GALNT17: variants seen among roughly 807,000 people sequenced by gnomAD.
GALNT17 encodes UDP-GalNAc:polypeptide N-acetylgalactosaminyltransferase-like 3.
A neutral mutation model predicts 63.7 loss-of-function variants in GALNT17; 29 were observed. The ratio of observed to expected loss-of-function variants is 0.46; its 90% CI spans 0.34 to 0.62. The LOEUF is 0.62. Ranked by LOEUF, GALNT17 falls within the 20% of genes least tolerant of loss-of-function variation. The probability of loss-of-function intolerance (pLI) is 0.01; values close to 1 mark genes in which losing one functional copy is unlikely to be tolerated. For missense variants in GALNT17, 603 were observed against 799.6 expected (o/e 0.75, Z 2.97); for synonymous variants, 305 against 318.3 (o/e 0.96, Z 0.45).
intron 3 of GALNT17, 42 bp from the exon 4 acceptor site, chr7:71,415,847 A>T (rs1583932701): frequency 2.0e-6 from 3 of 1,511,474 alleles, no homozygotes; most frequent in Middle Eastern, 1.8e-4. Flanking sequence ...CAAATTTGAA[A>T]TGACATGTTT....
At chr7:71,564,234 T>G (rs1273188517) in intron 5 of GALNT17, among the ~76,000 whole-genome samples, 1 of 151,772 alleles carries the variant, frequency 6.6e-6, no homozygotes, top group Non-Finnish European at 1.5e-5. Flanking sequence ...AAGCAGATTT[T>G]GATCGTGACG....
chr7:71,711,717 CCCTCTTT>C (rs1791795699), intron 10 of GALNT17, among the ~76,000 whole-genome samples: 1 of 148,350 alleles, frequency 6.7e-6, no homozygotes, highest in Non-Finnish European at 1.5e-5. Context: ...TCTCTCTCTT[CCCTCTTT>C]TTCTACCCCT....
At chr7:71,425,102 A>T (rs916081158) in intron 5 of GALNT17, among the ~76,000 whole-genome samples, 1 of 152,154 alleles carries the variant, frequency 6.6e-6, no homozygotes, top group Non-Finnish European at 1.5e-5. Context: ...GGCAAGTGCC[A>T]TTAAAGAGGG....
chr7:71,175,426 T>C (rs1287985814), intron 1 of GALNT17, among the ~76,000 whole-genome samples: 1 of 152,246 alleles, frequency 6.6e-6, no homozygotes, highest in Non-Finnish European at 1.5e-5. Context: ...ATCATCTATC[T>C]ATCTTATCTA....
intron 1 of GALNT17, among the ~76,000 whole-genome samples, chr7:71,333,638 C>G (rs1160244031): frequency 1.3e-5 from 2 of 152,072 alleles, no homozygotes; most frequent in African/African-American, 4.8e-5. Context: ...GTAGCTGGGA[C>G]TACAGGTGCA....
chr7:71,347,802 T>C (rs1386823844), intron 2 of GALNT17, among the ~76,000 whole-genome samples: 1 of 152,058 alleles, frequency 6.6e-6, no homozygotes, highest in Non-Finnish European at 1.5e-5. Flanking sequence ...ACTAGGGATG[T>C]TCTGAGGTCA....
intron 1 of GALNT17, among the ~76,000 whole-genome samples, chr7:71,154,840 T>A (rs894032602): frequency 2.0e-5 from 3 of 151,828 alleles, no homozygotes; most frequent in Non-Finnish European, 4.4e-5. Flanking sequence ...CCTCCCAAAG[T>A]GCTGGGATTA....
chr7:71,683,513 A>C (rs1436426284), intron 9 of GALNT17, among the ~76,000 whole-genome samples: 1 of 152,226 alleles, frequency 6.6e-6, no homozygotes, highest in Non-Finnish European at 1.5e-5. Context: ...ATTTATTATC[A>C]AACAGCAATT....
chr7:71,377,114 A>AATATATATATATAT (rs1554362119), intron 2 of GALNT17, among the ~76,000 whole-genome samples: 17 of 57,456 alleles, frequency 3.0e-4, no homozygotes, highest in African/African-American at 8.4e-4. Context: ...AAATAAAAAA[A>AATATATATATATAT]ATATATATAT....
intron 5 of GALNT17, among the ~76,000 whole-genome samples, chr7:71,519,573 T>A (rs1788496399): frequency 6.6e-6 from 1 of 152,104 alleles, no homozygotes; most frequent in Non-Finnish European, 1.5e-5. Context: ...AAGTGATTCT[T>A]GTGCCTCACC....
At chr7:71,147,491 G>C (rs887333562) in intron 1 of GALNT17, among the ~76,000 whole-genome samples, 2 of 152,108 alleles carry the variant, frequency 1.3e-5, no homozygotes, top group Non-Finnish European at 2.9e-5. Flanking sequence ...CCACTGACTC[G>C]AATGTTAATC....
At chr7:71,666,373 T>C (rs2117048173) in intron 7 of GALNT17, among the ~76,000 whole-genome samples, 1 of 149,136 alleles carries the variant, frequency 6.7e-6, no homozygotes, top group East Asian at 1.9e-4. Flanking sequence ...TAAAGATTTA[T>C]ATAAATTTTT....
chr7:71,611,510 C>T (rs1790125251), intron 6 of GALNT17, among the ~76,000 whole-genome samples: 1 of 152,152 alleles, frequency 6.6e-6, no homozygotes, highest in Non-Finnish European at 1.5e-5. Context: ...TGTGCCCTGA[C>T]CCACTTCCTT....
At chr7:71,266,568 G>A (rs558432917) in intron 1 of GALNT17, among the ~76,000 whole-genome samples, 55 of 152,090 alleles carry the variant, frequency 3.6e-4, no homozygotes, top group Admixed American at 1.4e-3. Context: ...CTTTTTCTTC[G>A]TAAATTACCC....
At chr7:71,227,416 A>G (rs1488528351) in intron 1 of GALNT17, among the ~76,000 whole-genome samples, 1 of 151,800 alleles carries the variant, frequency 6.6e-6, no homozygotes, top group African/African-American at 2.4e-5. Flanking sequence ...AGAGGTTGAG[A>G]TGTGCTGGTC....
At chr7:71,549,823 A>C (rs1789046914) in intron 5 of GALNT17, among the ~76,000 whole-genome samples, 1 of 151,960 alleles carries the variant, frequency 6.6e-6, no homozygotes, top group Non-Finnish European at 1.5e-5. Flanking sequence ...AATGCAGAAG[A>C]GGAGGATCCG....
chr7:71,539,957 ATT>A (rs1250440207), intron 5 of GALNT17, among the ~76,000 whole-genome samples: 1 of 150,440 alleles, frequency 6.6e-6, no homozygotes. Context: ...CTCCTGGCTA[ATT>A]TTTAAGTTTT....
intron 1 of GALNT17, among the ~76,000 whole-genome samples, chr7:71,287,920 T>C (rs112412293): frequency 0.019 from 2,850 of 150,902 alleles, 74 homozygotes; most frequent in African/African-American, 0.065. Flanking sequence ...GGCGTGGTGG[T>C]GCGCACCTGT....
chr7:71,665,761 T>C (rs539817768), intron 7 of GALNT17, among the ~76,000 whole-genome samples, 165 bp downstream of exon 7: 1 of 152,330 alleles, frequency 6.6e-6, no homozygotes, highest in Admixed American at 6.5e-5. Context: ...TTAGAACTCC[T>C]GCCTAACTCC....
Sources: allele counts gnomAD v4.1 joint callset (sites outside exome capture counted in the v4.1 genomes callset), GRCh38; gene constraint gnomAD v4.1.1; transcripts MANE v1.5; gene names NCBI Gene and HGNC (gene_info 2026-07-23, HGNC 2026-07-21).